The following NEDD4L variants were observed in gnomAD, a reference collection of about 807,000 sequenced individuals.
NEDD4L encodes NEDD4 like E3 ubiquitin protein ligase.
In NEDD4L, 54 loss-of-function variants were observed where a neutral mutation model predicts 148.9. The ratio of observed to expected loss-of-function variants is 0.36; its 90% confidence interval spans 0.29 to 0.45. The LOEUF is 0.45. Ranked by LOEUF, NEDD4L falls within the 20% of genes least tolerant of loss-of-function variation. The pLI, the probability that NEDD4L is intolerant of heterozygous loss-of-function variation, is 1.00. For missense variants in NEDD4L, 856 were observed against 1,233.8 expected (o/e 0.69, Z 4.59); for synonymous variants, 433 against 440.7 (o/e 0.98, Z 0.22).
At chr18:58,158,487 G>T (rs898745078) in intron 1 of NEDD4L, among the ~76,000 whole-genome samples, 6 of 152,178 alleles carry the variant, frequency 3.9e-5, no homozygotes, top group African/African-American at 1.4e-4. Context: ...TTAAATTAGG[G>T]TTCTGCTCTA....
At chr18:58,095,342 A>G (rs1475115432) in intron 1 of NEDD4L, among the ~76,000 whole-genome samples, 2 of 152,216 alleles carry the variant, frequency 1.3e-5, no homozygotes, top group Non-Finnish European at 2.9e-5. Context: ...TGCAAATGAA[A>G]TGGATGATGG....
At chr18:58,099,004 T>G (rs2084595577) in intron 1 of NEDD4L, among the ~76,000 whole-genome samples, 1 of 152,186 alleles carries the variant, frequency 6.6e-6, no homozygotes, top group Admixed American at 6.5e-5. Flanking sequence ...GAGTTTTACT[T>G]GCCACCTTGT....
At chr18:58,308,267 T>G (rs184371367) in intron 5 of NEDD4L, among the ~76,000 whole-genome samples, 1 of 152,342 alleles carries the variant, frequency 6.6e-6, no homozygotes, top group Admixed American at 6.5e-5. Context: ...GCAGATACAT[T>G]TAGCATTTCT....
At chr18:58,060,868 C>T (rs1378595730) in intron 1 of NEDD4L, among the ~76,000 whole-genome samples, 3 of 152,168 alleles carry the variant, frequency 2.0e-5, no homozygotes, top group African/African-American at 7.2e-5. Flanking sequence ...AAGCGATTCT[C>T]CTGCCTCAGC....
chr18:58,305,086 G>A (rs550660696), intron 5 of NEDD4L, among the ~76,000 whole-genome samples: 24 of 152,272 alleles, frequency 1.6e-4, no homozygotes, highest in East Asian at 5.8e-4. Context: ...TCTGCATTCC[G>A]GGCCCAGGCA....
chr18:58,260,951 T>C (rs1467131223), intron 5 of NEDD4L, among the ~76,000 whole-genome samples: 1 of 152,134 alleles, frequency 6.6e-6, no homozygotes, highest in Non-Finnish European at 1.5e-5. Flanking sequence ...AGCTCGTAGG[T>C]TCATAGTTAG....
chr18:58,367,646 G>A (rs567099021), intron 21 of NEDD4L, 100 bp from the exon 22 acceptor site: 10 of 1,302,486 alleles, frequency 7.7e-6, no homozygotes, highest in South Asian at 3.8e-5. Context: ...CAGAATGCTC[G>A]CAGGGACACT....
intron 5 of NEDD4L, among the ~76,000 whole-genome samples, chr18:58,287,665 C>T (rs891159983): frequency 5.3e-5 from 8 of 152,180 alleles, no homozygotes; most frequent in Non-Finnish European, 7.4e-5. Flanking sequence ...GGTCTTATCA[C>T]GCATATTTCC....
intron 5 of NEDD4L, among the ~76,000 whole-genome samples, chr18:58,285,301 T>A (rs191420794): frequency 3.7e-4 from 57 of 152,164 alleles, no homozygotes; most frequent in African/African-American, 1.3e-3. Flanking sequence ...AGAAGCTAAC[T>A]CCACAATGAG....
chr18:58,065,058 A>G (rs923453292), intron 1 of NEDD4L, among the ~76,000 whole-genome samples: 9 of 152,246 alleles, frequency 5.9e-5, no homozygotes, highest in African/African-American at 1.9e-4. Flanking sequence ...CAGAATATAA[A>G]TAACTATCAC....
intron 24 of NEDD4L, among the ~76,000 whole-genome samples, chr18:58,382,880 A>G (rs1461751268): frequency 6.6e-6 from 1 of 152,234 alleles, no homozygotes; most frequent in East Asian, 1.9e-4. Context: ...AACAGAATGC[A>G]TTAGAATTTG....
intron 2 of NEDD4L, among the ~76,000 whole-genome samples, chr18:58,176,848 C>T (rs1393443927): frequency 6.6e-6 from 1 of 152,196 alleles, no homozygotes; most frequent in African/African-American, 2.4e-5. Flanking sequence ...GCTGGGGTCA[C>T]TGAGTCTGTA....
rs183542808 is a variant in NEDD4L, at chr18:58,130,284, G to T, written c.49-35504G>T. On this transcript the variant is annotated intron_variant, in intron 1 of 30. Coordinates refer to ENST00000400345, the MANE Select transcript of NEDD4L (RefSeq NM_001144967.3). Reference sequence around the variant, plus strand: ...TTGGTTGTGATCTAGTGGAACTGTGGCAGTGTTGGGCTCTGTTGGGGTTTG... The same window carrying T: ...TTGGTTGTGATCTAGTGGAACTGTGTCAGTGTTGGGCTCTGTTGGGGTTTG... Among the ~76,000 whole-genome samples the T allele has an allele frequency of 1.2e-3, 180 of 147,586 alleles. 3 individuals carry two copies. Among genetic ancestry groups the T allele is most frequent in the Non-Finnish European group, 2.1e-3 (138 of 67,202 alleles).
chr18:58,309,182 C>T (rs1196757808), intron 5 of NEDD4L, among the ~76,000 whole-genome samples: 1 of 152,136 alleles, frequency 6.6e-6, no homozygotes. Context: ...AGTTTCCCTC[C>T]CCCCCACTGC....
intron 2 of NEDD4L, among the ~76,000 whole-genome samples, chr18:58,179,395 T>A (rs1385375372): frequency 1.3e-5 from 2 of 152,198 alleles, no homozygotes; most frequent in African/African-American, 4.8e-5. Flanking sequence ...TGTACAGTCA[T>A]CCAAGCTAGG....
chr18:58,080,720 A>T (rs992862244), intron 1 of NEDD4L, among the ~76,000 whole-genome samples: 1 of 152,194 alleles, frequency 6.6e-6, no homozygotes, highest in African/African-American at 2.4e-5. Context: ...TTAACCATCA[A>T]GATTAAGCAA....
At chr18:58,076,035 G>A (rs1277018901) in intron 1 of NEDD4L, among the ~76,000 whole-genome samples, 2 of 152,176 alleles carry the variant, frequency 1.3e-5, no homozygotes, top group Non-Finnish European at 2.9e-5. Flanking sequence ...ACCATTGTTG[G>A]CATCAAGAGA....
At chr18:58,349,061 G>A (rs1015462493) in intron 16 of NEDD4L, among the ~76,000 whole-genome samples, 56 of 152,250 alleles carry the variant, frequency 3.7e-4, no homozygotes, top group Middle Eastern at 3.4e-3. Flanking sequence ...GAGTTCAGAA[G>A]GAGTGGAGGG....
chr18:58,044,639 C>T lies in NEDD4L; in HGVS notation c.-22C>T, dbSNP rs1282268802. 6.3e-7 allele frequency: 1 copy of T among 1,595,046 alleles called. No individual in the cohort carries two copies. The highest frequency in any genetic ancestry group is 1.4e-5 in the African/African-American group (1 of 73,254). ...GCACAGCCGCTGGGAGCGCCTCAGA[C>T]CCCGCGCGGGGCGCCGGCTCCATGG... On this transcript the variant is annotated 5_prime_UTR_variant, in exon 1 of 31. Coordinates refer to ENST00000400345, the MANE Select transcript of NEDD4L (RefSeq NM_001144967.3).
Sources: gnomAD v4.1 joint callset for allele counts (sites outside exome capture counted in the v4.1 genomes callset) on GRCh38, gnomAD v4.1.1 for gene constraint, MANE v1.5 for transcripts, NCBI Gene and HGNC (gene_info 2026-07-23, HGNC 2026-07-21) for gene names.